The following GUCD1 variants were observed in gnomAD, a reference collection of about 807,000 sequenced individuals.
GUCD1 encodes guanylyl cyclase domain containing 1.
In GUCD1, 17 loss-of-function variants were observed where a neutral mutation model predicts 28.3. The observed-to-expected ratio is 0.60, with a 90% CI of 0.41 to 0.90. GUCD1 has a LOEUF of 0.90. Among genes scored for constraint, GUCD1 ranks in the 40% least tolerant of loss-of-function variants. The pLI is 0.00. For missense variants in GUCD1, 279 were observed against 305.5 expected (o/e 0.91, Z 0.65); for synonymous variants, 129 against 123.3 (o/e 1.05, Z -0.30).
At chr22:24,551,901 A>C (rs1241233566) in intron 1 of GUCD1, among the ~76,000 whole-genome samples, 4 of 152,234 alleles carry the variant, frequency 2.6e-5, no homozygotes, top group African/African-American at 9.7e-5. Flanking sequence ...CAAAAATATA[A>C]ATAAATAAGA....
chr22:24,554,819 ACTGGAACCAGG>A, intron 1 of GUCD1, 119 bp downstream of exon 1: 1 of 688,812 alleles, frequency 1.5e-6, no homozygotes, highest in East Asian at 3.0e-5. Context: ...ACCCCCACTG[ACTGGAACCAGG>A]CGGGTGTGGG....
In GUCD1 at chr22:24,548,013, G is replaced by C. The variant is rs201777392; in HGVS notation, c.189C>G (p.Thr63=). Residue 63 remains threonine, a synonymous_variant, in exon 3 of 6, where the codon ACC becomes ACG. Transcript: ENST00000435822. The part of the protein sequence containing the change: ...FERALQKLQL[T]RSIWTIDLAY... ...CCAGGTCGATGGTCCAGATGCTCCTGGTCAGCTGCAGCTTCTGCAGGGCTC... is the reference window on the plus strand; with the variant it reads ...CCAGGTCGATGGTCCAGATGCTCCTCGTCAGCTGCAGCTTCTGCAGGGCTC... 9.9e-6 allele frequency: 16 copies of C among 1,614,160 alleles called. No individual in the cohort carries two copies. The African/African-American group carries it at 1.9e-4, about 19-fold the overall frequency.
In GUCD1 at chr22:24,548,903, C is replaced by A; in HGVS notation, c.128+14G>T. ...ATGGGAAGCACCTGGGCCCCCAGCC[C>A]TGGCCCCACTCACCGCAGCACCATC... On this transcript the variant is annotated intron_variant, in intron 2 of 5. Coordinates refer to ENST00000435822, the MANE Select transcript of GUCD1 (RefSeq NM_001284254.2). The A allele has an allele frequency of 6.4e-7, 1 of 1,555,830 alleles. No individual in the cohort carries two copies. Among genetic ancestry groups the A allele is most frequent in the South Asian group, 1.2e-5 (1 of 84,662 alleles).
intron 2 of GUCD1, among the ~76,000 whole-genome samples, 164 bp downstream of exon 2, chr22:24,548,753 G>A (rs1340558043): frequency 6.6e-6 from 1 of 152,202 alleles, no homozygotes; most frequent in Admixed American, 6.5e-5. Flanking sequence ...TCCACCCCTT[G>A]CTCACTTTTG....
In GUCD1 at chr22:24,541,149, A is replaced by G. The variant is rs972109869; in HGVS notation, c.*1857T>C. 2 of 169,044 alleles carry G rather than the reference A, an allele frequency of 1.2e-5. No individual in the cohort carries two copies. The highest frequency in any genetic ancestry group is 6.5e-5 in the Admixed American group (1 of 15,286). The allele number at this position is 169,044 out of a possible 1,614,324, so 10.5% of individuals were successfully genotyped here. A position where few individuals can be genotyped will look rare whatever the true frequency, so the allele number is the denominator to read the frequency against. ...GAAACCCAGAAGGGCTGCCCAACTA[A>G]CAGCACCTCCCTCTTGGCCAAAGGC... On this transcript the variant is annotated 3_prime_UTR_variant, in exon 6 of 6. Transcript: ENST00000435822.
intron 1 of GUCD1, among the ~76,000 whole-genome samples, chr22:24,554,045 C>G (rs962167888): frequency 2.0e-5 from 3 of 152,262 alleles, no homozygotes; most frequent in African/African-American, 7.2e-5. Flanking sequence ...ATACTTAACC[C>G]ATCTCAGACT....
chr22:24,555,364 CTT>C, upstream of GUCD1: 2 of 1,271,700 alleles, frequency 1.6e-6, no homozygotes, highest in South Asian at 3.4e-5. Flanking sequence ...CCGCCCCTTT[CTT>C]TGAGCCCCGC....
chr22:24,553,926 A>T (rs137992734), intron 1 of GUCD1, among the ~76,000 whole-genome samples: 25 of 152,346 alleles, frequency 1.6e-4, no homozygotes, highest in African/African-American at 5.1e-4. Flanking sequence ...CTAAACACAA[A>T]GCCACAGCCA....
chr22:24,545,321 T>C (rs1474359977), intron 4 of GUCD1, among the ~76,000 whole-genome samples: 1 of 150,728 alleles, frequency 6.6e-6, no homozygotes, highest in Non-Finnish European at 1.5e-5. Flanking sequence ...TGCACAGGAG[T>C]GGGATTTCAG....
At chr22:24,555,140 G>GGCCGCCCCAAGCGCCGCCCCAAGC, upstream of GUCD1, 13 of 1,304,794 alleles carry the variant, frequency 1.0e-5, no homozygotes, top group Middle Eastern at 2.9e-4. Context: ...GCGGCGGCTG[G>GGCCGCCCCAAGCGCCGCCCCAAGC]GCCGCCCCAA....
chr22:24,555,700 C>G (rs2045043891), upstream of GUCD1: 1 of 1,550,652 alleles, frequency 6.4e-7, no homozygotes. Context: ...GTCTGAGGGC[C>G]CAAGCCCCGC....
rs1401941915 is a variant in GUCD1 at position 24,541,048 on chromosome 22, T to A, written c.*1958A>T. On this transcript the variant is annotated 3_prime_UTR_variant, in exon 6 of 6. Coordinates refer to ENST00000435822, the MANE Select transcript of GUCD1 (RefSeq NM_001284254.2). Reference sequence around the variant, plus strand: ...GAAGATGCCCACACCCCACAGCTGCTGTGCATGGGTACTCCTGGGCCACCT... The same window carrying A: ...GAAGATGCCCACACCCCACAGCTGCAGTGCATGGGTACTCCTGGGCCACCT... 1.2e-5 allele frequency: 2 copies of A among 169,760 alleles called. No homozygotes were observed. Among genetic ancestry groups the A allele is most frequent in the Non-Finnish European group, 2.9e-5 (2 of 68,470 alleles). 10.5% of individuals were successfully genotyped at this position (169,760 alleles called of 1,614,324 possible). A position where few individuals can be genotyped will look rare whatever the true frequency, so the allele number is the denominator to read the frequency against.
intron 4 of GUCD1, 107 bp downstream of exon 4, chr22:24,546,807 T>G (rs2044738971): frequency 3.0e-6 from 3 of 1,015,568 alleles, no homozygotes; most frequent in African/African-American, 1.6e-5. Context: ...TCTGCCTGGC[T>G]CCAGAGTCCT....
At position 24,548,079 on chromosome 22, in the gene GUCD1, G is replaced by C; in HGVS notation, c.129-6C>G. On this transcript the variant is annotated splice_region_variant and splice_polypyrimidine_tract_variant and intron_variant, in intron 2 of 5. Transcript: ENST00000435822. Reference sequence around the variant, plus strand: ...CGTCCAGCTGGCCCAGGTACCTGCAGGTAGACGAGCTGGGGAGCTCAGCTT... The same window carrying C: ...CGTCCAGCTGGCCCAGGTACCTGCACGTAGACGAGCTGGGGAGCTCAGCTT... 6.2e-7 allele frequency: 1 copy of C among 1,613,294 alleles called. No individual in the cohort carries two copies. Among genetic ancestry groups the C allele is most frequent in the Non-Finnish European group, 8.5e-7 (1 of 1,179,588 alleles).
upstream of GUCD1, chr22:24,555,324 C>CA: frequency 7.2e-7 from 1 of 1,397,492 alleles, no homozygotes; most frequent in East Asian, 2.6e-5. Flanking sequence ...CGCAGACGCG[C>CA]AGCTCACCAG....
chr22:24,555,075 T>A lies in GUCD1; in HGVS notation c.-84A>T, dbSNP rs570213503. On this transcript the variant is annotated 5_prime_UTR_variant, in exon 1 of 6. Coordinates refer to ENST00000435822, the MANE Select transcript of GUCD1 (RefSeq NM_001284254.2). Reference sequence around the variant, plus strand: ...TCGGCTGGGGCGGGAGGGCGGTCGGTGCGTGTCGAGTTCCTTCTCCGCCAC... The same window carrying A: ...TCGGCTGGGGCGGGAGGGCGGTCGGAGCGTGTCGAGTTCCTTCTCCGCCAC... 8.2e-6 allele frequency: 11 copies of A among 1,334,686 alleles called. No homozygotes were observed. The highest frequency in any genetic ancestry group is 2.0e-5 in the South Asian group (1 of 49,898). The allele number at this position is 1,334,686 out of a possible 1,614,324, so 82.7% of individuals were successfully genotyped here. A position where few individuals can be genotyped will look rare whatever the true frequency, so the allele number is the denominator to read the frequency against.
At chr22:24,551,334 G>T (rs965150538) in intron 1 of GUCD1, among the ~76,000 whole-genome samples, 4 of 152,168 alleles carry the variant, frequency 2.6e-5, no homozygotes, top group African/African-American at 9.7e-5. Context: ...AGGATTCAGT[G>T]GCACTGACCC....
At chr22:24,555,587 AC>A (rs1348630752), upstream of GUCD1, 1 of 1,548,436 alleles carries the variant, frequency 6.5e-7, no homozygotes, top group East Asian at 2.4e-5. Context: ...CGTACCAGAT[AC>A]CTAGCCTCAC....
intron 1 of GUCD1, among the ~76,000 whole-genome samples, chr22:24,553,012 CAAAGGTAACT>C (rs1205210940): frequency 3.3e-5 from 5 of 152,082 alleles, no homozygotes; most frequent in Admixed American, 6.5e-5. Flanking sequence ...TCTGGGGACA[CAAAGGTAACT>C]AAAGACCCAC....
Sources: allele counts gnomAD v4.1 joint callset (sites outside exome capture counted in the v4.1 genomes callset), GRCh38; gene constraint gnomAD v4.1.1; transcripts MANE v1.5; gene names NCBI Gene and HGNC (gene_info 2026-07-23, HGNC 2026-07-21).